ABCC8: variants seen among roughly 807,000 people sequenced by gnomAD.
ABCC8 encodes the protein ATP binding cassette subfamily C member 8.
Under a neutral mutation model 188.0 loss-of-function variants are expected in ABCC8, and 137 were observed. The ratio of observed to expected loss-of-function variants is 0.73; its 90% CI spans 0.63 to 0.84. The LOEUF (loss-of-function observed/expected upper bound fraction) is 0.84, where lower values mean the gene tolerates loss of function less well. ABCC8 is among the 40% of genes least tolerant of loss of function. The pLI, the probability that ABCC8 is intolerant of heterozygous loss-of-function variation, is 0.00. For missense variants in ABCC8, 1,750 were observed against 2,072.7 expected, an observed-to-expected ratio of 0.84 and a Z score of 3.02; for synonymous variants, 797 against 846.5, an observed-to-expected ratio of 0.94 and a Z score of 1.01.
At chr11:17,408,795 G>A (rs1954663070) in intron 22 of ABCC8, among the ~76,000 whole-genome samples, 1 of 152,108 alleles carries the variant, frequency 6.6e-6, no homozygotes, top group Non-Finnish European at 1.5e-5. Context: ...TACTCACAAG[G>A]ACTCCACCCA....
chr11:17,404,632 G>T lies in ABCC8; in HGVS notation c.3437C>A (p.Thr1146Asn), dbSNP rs761730014. The change falls in exon 28 of 39, where the codon ACC becomes AAC. Residue 1146 changes from threonine (T) to asparagine (N), a missense_variant. Physicochemically the swap from Thr to Asn is moderately conservative, Grantham distance 65 (BLOSUM62 0). Transcript: ENST00000389817. The surrounding 1 kb of genome is among the most constrained non-coding windows in gnomAD (Gnocchi z 4.7). Reference sequence around the variant, plus strand: ...GGCCAGGGCTGAGACACAGAGCAGGGTGGAGCGGCTCAGGCACTCCAGCGT... The same window carrying T: ...GGCCAGGGCTGAGACACAGAGCAGGTTGGAGCGGCTCAGGCACTCCAGCGT... ...PSTLECLSRS[T>N]LLCVSALAVI... The T allele has an allele frequency of 6.2e-7, 1 of 1,613,122 alleles. No individual in the cohort carries two copies. Among genetic ancestry groups the T allele is most frequent in the African/African-American group, 1.3e-5 (1 of 74,914 alleles).
intron 21 of ABCC8, among the ~76,000 whole-genome samples, chr11:17,411,421 C>T (rs1954798376): frequency 6.6e-6 from 1 of 152,208 alleles, no homozygotes; most frequent in Non-Finnish European, 1.5e-5. Context: ...ATCGCGAATG[C>T]ACCCATGCTT....
chr11:17,427,922 C>T lies in ABCC8; in HGVS notation c.2061G>A (p.Thr687=), dbSNP rs1236747090. The T allele has an allele frequency of 1.1e-5, 17 of 1,613,818 alleles. No individual in the cohort carries two copies. The highest frequency in any genetic ancestry group is 3.3e-5 in the Admixed American group (2 of 59,986). ...GTGTGGGGATTCCATCTGGGGTCCA[C>T]GTGAAGTAGCCTCCCATGATCTTCA... ...CCVQIMGGYF[T]WTPDGIPTLS... is the part of the protein sequence containing the mutation. The change falls in exon 15 of 39, where the codon ACG becomes ACA. Residue 687 remains threonine (T), a synonymous_variant. Transcript: ENST00000389817. The surrounding 1 kb of genome is among the most constrained non-coding windows in gnomAD (Gnocchi z 5.0).
In ABCC8 at chr11:17,407,363, C is replaced by T. The variant is rs1954593004; in HGVS notation, c.2911G>A (p.Glu971Lys). 1 of 1,614,116 alleles carries T rather than the reference C, an allele frequency of 6.2e-7. No individual in the cohort carries two copies. Among genetic ancestry groups the T allele is most frequent in the Non-Finnish European group, 8.5e-7 (1 of 1,180,056 alleles). ...SRDGLLQDEE[E>K]EEEEAAESEE... ...GTCCCATTGCCTGTACCTTCCTCCT[C>T]TTCCTCATCCTGCAGAAGGCCATCC... Residue 971 changes from glutamate (E) to lysine (K), a missense_variant, in exon 24 of 39, where the codon GAG becomes AAG. Coordinates refer to ENST00000389817, the MANE Select transcript of ABCC8 (RefSeq NM_000352.6).
In ABCC8 at chr11:17,470,132, G is replaced by A. The variant is rs753235776; in HGVS notation, c.381C>T (p.Ile127=). 1.3e-5 allele frequency: 21 copies of A among 1,614,136 alleles called. No individual in the cohort carries two copies. Among genetic ancestry groups the A allele is most frequent in the East Asian group, 2.2e-5 (1 of 44,860 alleles). Residue 127 remains isoleucine, a synonymous_variant, in exon 3 of 39, where the codon ATC becomes ATT. Transcript: ENST00000389817. ...AVTSVVYYHN[I]ETSNFPKLLI... ...GCAGCTTGGGGAAGTTGGAAGTCTC[G>A]ATGTTGTGATAGTAGACCACGGAGG...
intron 10 of ABCC8, chr11:17,435,947 T>A (rs1417838055): frequency 6.3e-7 from 1 of 1,575,254 alleles, no homozygotes; most frequent in African/African-American, 1.4e-5. Flanking sequence ...ACCCCTGCAC[T>A]CAAAGCAATA....
At position 17,476,636 on chromosome 11, in the gene ABCC8, G is replaced by A. The variant is rs999653967; in HGVS notation, c.141C>T (p.Leu47=). The change falls in exon 1 of 39, where the codon CTC becomes CTT. Residue 47 remains leucine, a synonymous_variant. Coordinates refer to ENST00000389817, the MANE Select transcript of ABCC8 (RefSeq NM_000352.6). ...CTCGCTGCGCGCACTCACCAATGAA[G>A]AGGATGGGGAAGGTGATGAAGAGTA... ...VFLLFITFPI[L]FIGWGSQSSK... 2.1e-5 allele frequency: 34 copies of A among 1,612,014 alleles called. No homozygotes were observed. Among genetic ancestry groups the A allele is most frequent in the Non-Finnish European group, 2.7e-5 (32 of 1,179,246 alleles).
At chr11:17,407,490 A>G (rs752748487) in intron 23 of ABCC8, 37 bp from the exon 24 acceptor site, 1 of 1,613,880 alleles carries the variant, frequency 6.2e-7, no homozygotes, top group Admixed American at 1.7e-5. Flanking sequence ...TGTCTTCAGG[A>G]TATATGGTTG....
chr11:17,398,318 G>A (rs770768484), intron 30 of ABCC8, 21 bp downstream of exon 30: 8 of 1,613,954 alleles, frequency 5.0e-6, no homozygotes, highest in Non-Finnish European at 5.9e-6. Flanking sequence ...AGAGGCCAGG[G>A]TAGAGGGGAA....
chr11:17,469,056 T>TCCCCCC (rs113636074), intron 3 of ABCC8, among the ~76,000 whole-genome samples: 3 of 134,030 alleles, frequency 2.2e-5, no homozygotes, highest in Admixed American at 7.8e-5. Flanking sequence ...TCTCCCTCCC[T>TCCCCCC]CCTCCCTCCC....
intron 7 of ABCC8, among the ~76,000 whole-genome samples, chr11:17,450,324 TTCTCTCTC>T (rs576893666): frequency 1.3e-5 from 1 of 75,708 alleles, no homozygotes. Flanking sequence ...CTTTCTTTCT[TTCTCTCTC>T]TCTCTTTCCT....
At chr11:17,471,090 C>T (rs960830847) in intron 2 of ABCC8, among the ~76,000 whole-genome samples, 1 of 152,266 alleles carries the variant, frequency 6.6e-6, no homozygotes, top group African/African-American at 2.4e-5. Flanking sequence ...GTGGTACCCA[C>T]TCCATTCCCA....
chr11:17,469,208 C>T (rs867394779), intron 3 of ABCC8, among the ~76,000 whole-genome samples: 48 of 152,064 alleles, frequency 3.2e-4, no homozygotes, highest in African/African-American at 1.0e-3. Context: ...TTGACTGCCT[C>T]AGCCTCCTGA....
intron 10 of ABCC8, chr11:17,436,268 T>C: frequency 2.2e-6 from 1 of 452,098 alleles, no homozygotes; most frequent in South Asian, 2.1e-5. Context: ...CTGGGGTGGA[T>C]GTGGCTGGAC....
chr11:17,432,173 C>CCCCCTCCACCCT (rs1293985278), intron 11 of ABCC8, 31 bp downstream of exon 11: 1 of 1,551,984 alleles, frequency 6.4e-7, no homozygotes, highest in Non-Finnish European at 8.7e-7. Context: ...CTCCACCCTA[C>CCCCCTCCACCCT]CCCCAAGAGA....
In ABCC8 at chr11:17,430,749, G is replaced by A. The variant is rs1056160376; in HGVS notation, c.1817+65C>T. ...AACAGCTGTGGTTTGGCCATCACTC[G>A]AGCAAGCCTTGAGGCTGACACAGGA... On this transcript the variant is annotated intron_variant, in intron 12 of 38. Coordinates refer to ENST00000389817, the MANE Select transcript of ABCC8 (RefSeq NM_000352.6). 51 of 1,556,130 alleles carry A rather than the reference G, an allele frequency of 3.3e-5. No individual in the cohort carries two copies. The South Asian group carries it at 4.0e-4, about 12-fold the overall frequency.
chr11:17,394,465 G>T (rs17846771), intron 36 of ABCC8, 66 bp from the exon 37 acceptor site: 1 of 1,612,024 alleles, frequency 6.2e-7, no homozygotes, highest in Middle Eastern at 1.7e-4. Flanking sequence ...GAGCAGATGG[G>T]ATGGCTTGGG....
At chr11:17,392,772 G>A, downstream of ABCC8, 2 of 621,574 alleles carry the variant, frequency 3.2e-6, no homozygotes, top group Admixed American at 2.4e-5. Flanking sequence ...CATTTCACAG[G>A]TAAGGAAGCA....
rs765113324 is a variant in ABCC8, at chr11:17,410,554, C to G, written c.2656G>C (p.Val886Leu). 1 of 1,614,144 alleles carries G rather than the reference C, an allele frequency of 6.2e-7. No individual in the cohort carries two copies. Reference sequence around the variant, plus strand: ...GGCAGGTACTGTAGCTTGTGGGTCACTAAGACCACTGTCCTCTTGTCGTCC... The same window carrying G: ...GGCAGGTACTGTAGCTTGTGGGTCAGTAAGACCACTGTCCTCTTGTCGTCC... ...LRDDKRTVVL[V>L]THKLQYLPHA... The change falls in exon 22 of 39, where the codon GTG becomes CTG. Residue 886 changes from valine to leucine, a missense_variant. By Grantham distance (32) the Val-to-Leu change is conservative. Coordinates refer to ENST00000389817, the MANE Select transcript of ABCC8 (RefSeq NM_000352.6).
Sources: allele counts gnomAD v4.1 joint callset (sites outside exome capture counted in the v4.1 genomes callset), GRCh38; gene constraint gnomAD v4.1.1; non-coding constraint Gnocchi (gnomAD v3.1); transcripts MANE v1.5; gene names NCBI Gene and HGNC (gene_info 2026-07-23, HGNC 2026-07-21).